Variants in MLLT3 observed in about 807,000 individuals in gnomAD.
The protein encoded by MLLT3 is protein AF-9.
Under a neutral mutation model 53.2 loss-of-function variants are expected in MLLT3, and 4 were observed. The observed-to-expected ratio is 0.08, with a 90% CI of 0.04 to 0.17. The LOEUF (loss-of-function observed/expected upper bound fraction) is 0.17, where lower values mean the gene tolerates loss of function less well. Among genes scored for constraint, MLLT3 ranks in the 10% least tolerant of loss-of-function variants. MLLT3 has a pLI of 1.00. For synonymous variants in MLLT3, 283 were observed against 230.6 expected, an observed-to-expected ratio of 1.23 and a Z score of -2.06; for missense variants, 569 against 684.0, an observed-to-expected ratio of 0.83 and a Z score of 1.87.
In MLLT3 at chr9:20,341,793, TG is replaced by T. The variant is rs780870049; in HGVS notation, c.*4649del. ...GGGACTTTGTAAGATCGACTCTCTC[TG>T]GCTATAGCACATTGTTTCTGAACAA... On this transcript the variant is annotated 3_prime_UTR_variant, in exon 11 of 11. Coordinates refer to ENST00000380338, the MANE Select transcript of MLLT3 (RefSeq NM_004529.4). The T allele has an allele frequency of 1.5e-5, 3 of 200,164 alleles. No individual in the cohort carries two copies. Among genetic ancestry groups the T allele is most frequent in the Non-Finnish European group, 3.1e-5 (3 of 97,294 alleles). 12.4% of individuals were successfully genotyped at this position (200,164 alleles called of 1,614,324 possible). A position where few individuals can be genotyped will look rare whatever the true frequency, so the allele number is the denominator to read the frequency against.
chr9:20,622,257 G>T lies in MLLT3; in HGVS notation c.-1C>A. 6.3e-7 allele frequency: 1 copy of T among 1,598,614 alleles called. No homozygotes were observed. The highest frequency in any genetic ancestry group is 8.5e-7 in the Non-Finnish European group (1 of 1,171,788). On this transcript the variant is annotated 5_prime_UTR_variant, in exon 1 of 11. Transcript: ENST00000380338. ...TGCGCGTACTTACCGAGCTAGCCAT[G>T]CCTGGGGGCCCGGAGGTTTGCTGGG...
intron 2 of MLLT3, among the ~76,000 whole-genome samples, chr9:20,545,026 T>A (rs1818748424): frequency 7.3e-6 from 1 of 136,788 alleles, no homozygotes; most frequent in African/African-American, 2.8e-5. Flanking sequence ...ACACAGGAGC[T>A]CGAGGTTACA....
intron 5 of MLLT3, 24 bp from the exon 6 acceptor site, chr9:20,365,768 C>T (rs1186556526): frequency 1.2e-6 from 2 of 1,612,910 alleles, no homozygotes; most frequent in Non-Finnish European, 1.7e-6. Context: ...TAAAAAGGCA[C>T]CATCAATAAA....
At chr9:20,607,002 T>C (rs1315170748) in intron 2 of MLLT3, among the ~76,000 whole-genome samples, 2 of 152,088 alleles carry the variant, frequency 1.3e-5, no homozygotes, top group Non-Finnish European at 2.9e-5. Flanking sequence ...GTCCTCTGGT[T>C]CCTCTTTCAC....
intron 2 of MLLT3, among the ~76,000 whole-genome samples, chr9:20,490,124 C>T (rs1824911409): frequency 6.6e-6 from 1 of 152,196 alleles, no homozygotes; most frequent in African/African-American, 2.4e-5. Context: ...TTCACCATCA[C>T]TGATTAAGTA....
chr9:20,602,481 C>T (rs751742505), intron 2 of MLLT3, among the ~76,000 whole-genome samples: 3 of 152,146 alleles, frequency 2.0e-5, no homozygotes, highest in Non-Finnish European at 4.4e-5. Flanking sequence ...TTTACTCTCA[C>T]ATGGCTTATA....
At chr9:20,529,793 C>T (rs922183787) in intron 2 of MLLT3, among the ~76,000 whole-genome samples, 13 of 136,944 alleles carry the variant, frequency 9.5e-5, no homozygotes, top group Admixed American at 4.0e-4. Context: ...TGGTCTCTAA[C>T]GCCTGGCCTT....
chr9:20,405,170 C>G (rs754109509), intron 5 of MLLT3, among the ~76,000 whole-genome samples: 3 of 152,152 alleles, frequency 2.0e-5, no homozygotes, highest in African/African-American at 7.2e-5. Flanking sequence ...TAAGGTACCA[C>G]AGCTTTTCAG....
chr9:20,547,461 T>C (rs1235418498), intron 2 of MLLT3, among the ~76,000 whole-genome samples: 2 of 149,880 alleles, frequency 1.3e-5, no homozygotes, highest in African/African-American at 4.9e-5. Context: ...CCGGCCAACA[T>C]GATGAAACCC....
At chr9:20,522,646 T>C (rs1263472701) in intron 2 of MLLT3, among the ~76,000 whole-genome samples, 1 of 150,322 alleles carries the variant, frequency 6.7e-6, no homozygotes, top group East Asian at 2.0e-4. Flanking sequence ...GAAGAAAGAG[T>C]AGAGAAGAAA....
chr9:20,606,883 G>C (rs1353756570), intron 2 of MLLT3, among the ~76,000 whole-genome samples: 3 of 151,988 alleles, frequency 2.0e-5, no homozygotes, highest in African/African-American at 7.3e-5. Flanking sequence ...TATTCTTTTG[G>C]ATCATTTGCC....
chr9:20,619,649 C>G (rs538461042), intron 2 of MLLT3, among the ~76,000 whole-genome samples: 5 of 152,216 alleles, frequency 3.3e-5, no homozygotes, highest in African/African-American at 1.2e-4. Context: ...TGTATTTGTA[C>G]TGTTACCTTC....
intron 2 of MLLT3, among the ~76,000 whole-genome samples, chr9:20,599,090 G>A (rs559596856): frequency 6.6e-6 from 1 of 152,270 alleles, no homozygotes; most frequent in African/African-American, 2.4e-5. Flanking sequence ...CAGATCACGA[G>A]GTCAAGAGAT....
In MLLT3 at chr9:20,365,710, C is replaced by T. The variant is rs1409785366; in HGVS notation, c.1160G>A (p.Ser387Asn). 3 of 1,614,050 alleles carry T rather than the reference C, an allele frequency of 1.9e-6. No individual in the cohort carries two copies. The highest frequency in any genetic ancestry group is 2.5e-6 in the Non-Finnish European group (3 of 1,180,042). ...GGATGGTGTGAAGCTGGAGCTGGAGCTGGAGCTGGAGCTGGCAGGACTGGG... is the reference window on the plus strand; with the variant it reads ...GGATGGTGTGAAGCTGGAGCTGGAGTTGGAGCTGGAGCTGGCAGGACTGGG... ...EQPSPASSSSSSSSSFTPSQT... is the reference protein window; with the variant it reads ...EQPSPASSSSNSSSSFTPSQT... The change falls in exon 6 of 11, where the codon AGC (serine) becomes AAC (asparagine). Residue 387 changes from serine to asparagine, a missense_variant. Transcript: ENST00000380338.
At position 20,343,115 on chromosome 9, in the gene MLLT3, G is replaced by A. The variant is rs138406329; in HGVS notation, c.*3328C>T. ...TGGAGCTTGAAGTAGTAAATAGGAT[G>A]TTATACAGGCCTAAAATTGTTTCTT... On this transcript the variant is annotated 3_prime_UTR_variant, in exon 11 of 11. Transcript: ENST00000380338. 3.1e-3 allele frequency: 433 copies of A among 139,448 alleles called. 2 individuals carry two copies. The highest frequency in any genetic ancestry group is 4.7e-3 in the Admixed American group (50 of 10,548). 8.6% of individuals were successfully genotyped at this position (139,448 alleles called of 1,614,324 possible).
chr9:20,568,874 G>A (rs551744111), intron 2 of MLLT3, among the ~76,000 whole-genome samples: 42 of 152,282 alleles, frequency 2.8e-4, no homozygotes, highest in African/African-American at 9.9e-4. Flanking sequence ...AGACATTGAG[G>A]TTGAGAGAGT....
At chr9:20,608,875 C>G (rs1237591084) in intron 2 of MLLT3, among the ~76,000 whole-genome samples, 2 of 151,966 alleles carry the variant, frequency 1.3e-5, no homozygotes, top group African/African-American at 4.8e-5. Context: ...TATCCCACGT[C>G]CCAGAGATCA....
At chr9:20,582,652 A>G (rs1354417949) in intron 2 of MLLT3, among the ~76,000 whole-genome samples, 1 of 152,190 alleles carries the variant, frequency 6.6e-6, no homozygotes, top group African/African-American at 2.4e-5. Context: ...CCTCAGAATC[A>G]TGATAGGAGG....
chr9:20,546,823 G>A (rs1242710460), intron 2 of MLLT3, among the ~76,000 whole-genome samples: 2 of 152,390 alleles, frequency 1.3e-5, no homozygotes, highest in East Asian at 3.9e-4. Context: ...GTTTCGGGTT[G>A]AACGAAGGTT....
Sources: gnomAD v4.1 joint callset for allele counts (sites outside exome capture counted in the v4.1 genomes callset) on GRCh38, gnomAD v4.1.1 for gene constraint, MANE v1.5 for transcripts, NCBI Gene and HGNC (gene_info 2026-07-23, HGNC 2026-07-21) for gene names.